Variants in DLEC1 observed in about 807,000 individuals in gnomAD.
DLEC1 encodes deleted in lung and esophageal cancer protein 1.
A neutral mutation model predicts 198.1 loss-of-function variants in DLEC1; 146 were observed. The observed-to-expected ratio is 0.74, with a 90% CI of 0.64 to 0.85. DLEC1 has a LOEUF of 0.85. DLEC1 is among the 40% of genes least tolerant of loss of function. DLEC1 has a pLI of 0.00. For missense variants in DLEC1, 2,233 were observed against 2,220.0 expected (o/e 1.01, Z -0.12); for synonymous variants, 897 against 866.8 (o/e 1.03, Z -0.61).
At chr3:38,106,903 A>G (rs959218136) in intron 19 of DLEC1, among the ~76,000 whole-genome samples, 1 of 152,186 alleles carries the variant, frequency 6.6e-6, no homozygotes, top group African/African-American at 2.4e-5. Flanking sequence ...AGACATGTAA[A>G]GAGCTTGCCC....
At chr3:38,062,086 T>C in intron 3 of DLEC1, 83 bp from the exon 4 acceptor site, 1 of 1,397,520 alleles carries the variant, frequency 7.2e-7, no homozygotes, top group Non-Finnish European at 1.0e-6. Flanking sequence ...AACTGTGGCT[T>C]TGGTGGTTTT....
rs1422349385 is a variant in DLEC1, at chr3:38,117,835, C to T, written c.4515C>T (p.His1505=). 4 of 1,614,136 alleles carry T rather than the reference C, an allele frequency of 2.5e-6. No homozygotes were observed. The highest frequency in any genetic ancestry group is 1.7e-5 in the Admixed American group (1 of 60,016). ...TGAGTGAGCTGGTGACCACCCACCA[C>T]CTGAAGCTGACCAACACTACAGAGA... ...GVLSELVTTH[H]LKLTNTTEIP... is the part of the protein sequence containing the mutation. Residue 1505 remains histidine (H), a synonymous_variant, in exon 33 of 37, where the codon CAC becomes CAT. Transcript: ENST00000308059.
chr3:38,122,932 A>G lies in DLEC1; in HGVS notation c.*520A>G, dbSNP rs1164525636. 1.2e-5 allele frequency: 13 copies of G among 1,085,676 alleles called. No individual in the cohort carries two copies. Among genetic ancestry groups the G allele is most frequent in the African/African-American group, 1.6e-5 (1 of 64,338 alleles). The allele number at this position is 1,085,676 out of a possible 1,614,324, so 67.3% of individuals were successfully genotyped here. A position where few individuals can be genotyped will look rare whatever the true frequency, so the allele number is the denominator to read the frequency against. On this transcript the variant is annotated 3_prime_UTR_variant, in exon 37 of 37. Coordinates refer to ENST00000308059, the MANE Select transcript of DLEC1 (RefSeq NM_007335.4). The stretch of plus-strand genomic sequence containing the variant: ...TGAGTTGAAGTGCCTTGATCTGTCC[A>G]CTGCCACCACCACCAGTGCTGAGTT...
At position 38,122,481 on chromosome 3, in the gene DLEC1, C is replaced by G. The variant is rs1559472024; in HGVS notation, c.*69C>G. On this transcript the variant is annotated 3_prime_UTR_variant, in exon 37 of 37. Coordinates refer to ENST00000308059, the MANE Select transcript of DLEC1 (RefSeq NM_007335.4). The stretch of plus-strand genomic sequence containing the variant: ...AACATTGCCCAGGGATTAGGAGCAG[C>G]TCTTCAGCACAAAGACACAGACTTG... The G allele has an allele frequency of 1.2e-6, 2 of 1,613,452 alleles. No individual in the cohort carries two copies. Among genetic ancestry groups the G allele is most frequent in the Non-Finnish European group, 8.5e-7 (1 of 1,179,898 alleles).
Position 38,122,479 on chromosome 3 carries a change from A to T in DLEC1, c.*67A>T, listed in dbSNP as rs763067485. On this transcript the variant is annotated 3_prime_UTR_variant, in exon 37 of 37. Coordinates refer to ENST00000308059, the MANE Select transcript of DLEC1 (RefSeq NM_007335.4). ...AAAACATTGCCCAGGGATTAGGAGC[A>T]GCTCTTCAGCACAAAGACACAGACT... 2.1e-5 allele frequency: 34 copies of T among 1,613,578 alleles called. No individual in the cohort carries two copies. In the South Asian group the frequency reaches 3.6e-4, roughly 17 times the overall value.
rs1559400195 is a variant in DLEC1, at chr3:38,056,103, ACACACACACACAC to A, written c.563-3638_563-3626del. ...CACACACACACACACACACACACACACACACACACACACAAATAGCTGAGTGTGGTGGCATGCG... is the reference window on the plus strand; with the variant it reads ...CACACACACACACACACACACACACAAAATAGCTGAGTGTGGTGGCATGCG... On this transcript the variant is annotated intron_variant, in intron 2 of 36. Coordinates refer to ENST00000308059, the MANE Select transcript of DLEC1 (RefSeq NM_007335.4). Among the ~76,000 whole-genome samples the A allele has an allele frequency of 9.4e-4, 132 of 141,144 alleles. 1 individual carries two copies. The highest frequency in any genetic ancestry group is 3.6e-3 in the African/African-American group (127 of 34,886). The allele number at this position is 141,144 out of a possible 152,430, so 92.6% of individuals were successfully genotyped here.
Position 38,121,673 on chromosome 3 carries a change from T to C in DLEC1, c.4912T>C (p.Ser1638Pro). 1 of 1,614,048 alleles carries C rather than the reference T, an allele frequency of 6.2e-7. No individual in the cohort carries two copies. Among genetic ancestry groups the C allele is most frequent in the South Asian group, 1.1e-5 (1 of 91,076 alleles). Residue 1638 changes from serine to proline, a missense_variant, in exon 35 of 37, where the codon TCC (serine) becomes CCC (proline). Physicochemically the swap from Ser to Pro is moderately conservative, Grantham distance 74. Coordinates refer to ENST00000308059, the MANE Select transcript of DLEC1 (RefSeq NM_007335.4). ...AVVAVPELQL[S>P]TSWVDFGTCF... ...GGTGGCCGTGCCTGAGCTGCAGCTC[T>C]CCACCAGCTGGGTGGACTTTGGGAC...
chr3:38,084,862 CCT>C (rs1698358337), intron 7 of DLEC1, among the ~76,000 whole-genome samples: 1 of 151,984 alleles, frequency 6.6e-6, no homozygotes. Flanking sequence ...TCAATCAGGC[CCT>C]CTCTATTCCT....
intron 6 of DLEC1, among the ~76,000 whole-genome samples, chr3:38,067,083 G>T (rs947381172): frequency 6.6e-6 from 1 of 152,226 alleles, no homozygotes; most frequent in African/African-American, 2.4e-5. Context: ...AGAGCCTGGA[G>T]ATCCTGAGGC....
Position 38,045,576 on chromosome 3 carries a change from T to C in DLEC1, c.445T>C (p.Phe149Leu). 6.2e-7 allele frequency: 1 copy of C among 1,613,750 alleles called. No individual in the cohort carries two copies. ...RELYKQRLDE[F>L]EMLERHITQA... ...GCTCTATAAGCAGCGGCTGGATGAG[T>C]TTGAAATGTTGGAGAGACATATCAC... The change falls in exon 2 of 37, where the codon TTT (phenylalanine) becomes CTT (leucine). Residue 149 changes from phenylalanine (F) to leucine (L), a missense_variant. Physicochemically the swap from Phe to Leu is conservative, Grantham distance 22 (BLOSUM62 0). Coordinates refer to ENST00000308059, the MANE Select transcript of DLEC1 (RefSeq NM_007335.4).
At chr3:38,090,563 T>C (rs1015154094) in intron 10 of DLEC1, among the ~76,000 whole-genome samples, 9 of 152,234 alleles carry the variant, frequency 5.9e-5, no homozygotes, top group African/African-American at 2.2e-4. Flanking sequence ...GATCTCTGGC[T>C]ACAAATTATG....
chr3:38,106,792 A>C lies in DLEC1; in HGVS notation c.2865-792A>C, dbSNP rs575664266. Among the ~76,000 whole-genome samples the C allele has an allele frequency of 3.3e-5, 5 of 151,534 alleles. No individual in the cohort carries two copies. The East Asian group carries it at 7.8e-4, about 23-fold the overall frequency. On this transcript the variant is annotated intron_variant, in intron 19 of 36. Coordinates refer to ENST00000308059, the MANE Select transcript of DLEC1 (RefSeq NM_007335.4). ...AAAAAAAAAAAAAGACCTTTCAACT[A>C]ATTGAATTAGGCCCATCTAGATTAT...
chr3:38,043,570 G>A (rs1012286120), intron 1 of DLEC1, among the ~76,000 whole-genome samples: 12 of 152,164 alleles, frequency 7.9e-5, no homozygotes, highest in Non-Finnish European at 1.8e-4. Flanking sequence ...TGCTATTATA[G>A]CGCTTTTAAG....
Position 38,122,809 on chromosome 3 carries a change from C to A in DLEC1, c.*397C>A. Reference sequence around the variant, plus strand: ...CCATGGCCTTGTGGCCTGGGTGACCCAGGCTGCTTTTATCTTGCACAGCTA... The same window carrying A: ...CCATGGCCTTGTGGCCTGGGTGACCAAGGCTGCTTTTATCTTGCACAGCTA... On this transcript the variant is annotated 3_prime_UTR_variant, in exon 37 of 37. Transcript: ENST00000308059. 1 of 983,482 alleles carries A rather than the reference C, an allele frequency of 1.0e-6. No homozygotes were observed. Among genetic ancestry groups the A allele is most frequent in the Non-Finnish European group, 1.4e-6 (1 of 693,506 alleles). The allele number at this position is 983,482 out of a possible 1,614,324, so 60.9% of individuals were successfully genotyped here.
intron 19 of DLEC1, chr3:38,103,564 A>G (rs913047950): frequency 6.6e-6 from 1 of 152,222 alleles, no homozygotes; most frequent in African/African-American, 2.4e-5. Flanking sequence ...TTTGCTAGAT[A>G]TTACATTTCT....
Position 38,096,555 on chromosome 3 carries a change from G to C in DLEC1, c.2172-14G>C. ...GGTGTGCCGGCTCCTAGCTAACGGTGGGTTTGTGTTTAGTTCAGAAGCGGA... is the reference window on the plus strand; with the variant it reads ...GGTGTGCCGGCTCCTAGCTAACGGTCGGTTTGTGTTTAGTTCAGAAGCGGA... On this transcript the variant is annotated splice_polypyrimidine_tract_variant and intron_variant, in intron 14 of 36. Coordinates refer to ENST00000308059, the MANE Select transcript of DLEC1 (RefSeq NM_007335.4). The C allele has an allele frequency of 4.4e-6, 7 of 1,606,770 alleles. No homozygotes were observed. The highest frequency in any genetic ancestry group is 5.9e-6 in the Non-Finnish European group (7 of 1,177,444).
In DLEC1 at chr3:38,116,611, C is replaced by T; in HGVS notation, c.4015C>T (p.Pro1339Ser). 2.5e-6 allele frequency: 4 copies of T among 1,614,108 alleles called. No individual in the cohort carries two copies. Among genetic ancestry groups the T allele is most frequent in the Non-Finnish European group, 3.4e-6 (4 of 1,179,980 alleles). Residue 1339 changes from proline to serine, a missense_variant, in exon 28 of 37, where the codon CCA becomes TCA. By Grantham distance (74) the Pro-to-Ser change is moderately conservative. Coordinates refer to ENST00000308059, the MANE Select transcript of DLEC1 (RefSeq NM_007335.4). ...TPEGGCLLWS[P>S]GPSSSSEFSH... ...TGAGGGTGGCTGCCTCCTCTGGTCCCCAGGCCCCTCCAGTTCATCGGAATT... is the reference window on the plus strand; with the variant it reads ...TGAGGGTGGCTGCCTCCTCTGGTCCTCAGGCCCCTCCAGTTCATCGGAATT...
At chr3:38,049,459 C>G (rs769478027) in intron 2 of DLEC1, among the ~76,000 whole-genome samples, 1 of 152,192 alleles carries the variant, frequency 6.6e-6, no homozygotes, top group Non-Finnish European at 1.5e-5. Flanking sequence ...GTAAATTCTC[C>G]AAAGTGAGGG....
At chr3:38,072,023 G>A (rs1011939335) in intron 6 of DLEC1, among the ~76,000 whole-genome samples, 1 of 152,158 alleles carries the variant, frequency 6.6e-6, no homozygotes, top group African/African-American at 2.4e-5. Flanking sequence ...AATTAGGCCT[G>A]GTGGAACTGC....
Sources: allele counts gnomAD v4.1 joint callset (sites outside exome capture counted in the v4.1 genomes callset), GRCh38; gene constraint gnomAD v4.1.1; transcripts MANE v1.5; gene names NCBI Gene and HGNC (gene_info 2026-07-23, HGNC 2026-07-21).